STK31: variants seen among roughly 807,000 people sequenced by gnomAD.
The protein encoded by STK31 is serine/threonine-protein kinase 31.
STK31 carries 89 observed loss-of-function variants against 129.7 expected under a neutral mutation model. The ratio of observed to expected loss-of-function variants is 0.69; its 90% CI spans 0.58 to 0.82. STK31 has a LOEUF of 0.82. STK31 is among the 40% of genes least tolerant of loss of function. STK31 has a pLI of 0.00. For missense variants in STK31, 1,187 were observed against 1,176.4 expected (o/e 1.01, Z -0.13); for synonymous variants, 448 against 395.3 (o/e 1.13, Z -1.58).
At chr7:23,789,798 C>T (rs1344391025) in intron 21 of STK31, among the ~76,000 whole-genome samples, 1 of 152,088 alleles carries the variant, frequency 6.6e-6, no homozygotes, top group Non-Finnish European at 1.5e-5. Context: ...AATAATTACT[C>T]TTTAGTCATT....
intron 22 of STK31, among the ~76,000 whole-genome samples, chr7:23,804,619 C>T (rs1018957112): frequency 6.6e-5 from 10 of 152,092 alleles, no homozygotes; most frequent in African/African-American, 2.4e-4. Flanking sequence ...TAATATATTT[C>T]TAGGAGATGT....
chr7:23,832,328 G>A lies in STK31; in HGVS notation c.3022G>A (p.Glu1008Lys), dbSNP rs1794605502. ...GACGGAGAACTTGGATAAATGTATG[G>A]AGAAGACAAGAAATGGTGAAGCCAA... is the stretch of plus-strand genomic sequence containing the variant. ...IKTENLDKCMEKTRNGEANFD... is the reference protein window; with the variant it reads ...IKTENLDKCMKKTRNGEANFD... The change falls in exon 24 of 24, where the codon GAG (glutamate) becomes AAG (lysine). Residue 1008 changes from glutamate (E) to lysine (K), a missense_variant. By Grantham distance (56) the Glu-to-Lys change is moderately conservative. Transcript: ENST00000355870. The A allele has an allele frequency of 6.2e-7, 1 of 1,612,760 alleles. No individual in the cohort carries two copies. The highest frequency in any genetic ancestry group is 1.3e-5 in the African/African-American group (1 of 74,826).
At chr7:23,755,580 T>C (rs1789016848) in intron 10 of STK31, among the ~76,000 whole-genome samples, 1 of 152,246 alleles carries the variant, frequency 6.6e-6, no homozygotes. Context: ...TGCCCATGCC[T>C]ATGTCCTGAA....
chr7:23,795,081 A>G (rs951421143), intron 22 of STK31, among the ~76,000 whole-genome samples: 3 of 152,238 alleles, frequency 2.0e-5, no homozygotes, highest in Non-Finnish European at 4.4e-5. Context: ...AATCGCTAGG[A>G]CAATGGGGAA....
chr7:23,774,205 A>C (rs186018231), intron 15 of STK31, among the ~76,000 whole-genome samples: 1 of 152,268 alleles, frequency 6.6e-6, no homozygotes, highest in East Asian at 1.9e-4. Context: ...GGTTTGTTCC[A>C]AGTCTTTGCT....
At chr7:23,770,263 T>G (rs754894850) in intron 13 of STK31, among the ~76,000 whole-genome samples, 1 of 152,178 alleles carries the variant, frequency 6.6e-6, no homozygotes, top group Non-Finnish European at 1.5e-5. Context: ...TAATTATTGC[T>G]CATTGGGACT....
At chr7:23,787,861 A>T (rs1234326592) in intron 20 of STK31, 119 bp from the exon 21 acceptor site, 2 of 936,366 alleles carry the variant, frequency 2.1e-6, no homozygotes, top group Admixed American at 3.0e-5. Flanking sequence ...TATTCTTATT[A>T]ATGGTTCATT....
At chr7:23,746,580 A>C (rs1014914059) in intron 8 of STK31, among the ~76,000 whole-genome samples, 5 of 152,218 alleles carry the variant, frequency 3.3e-5, no homozygotes, top group African/African-American at 9.6e-5. Flanking sequence ...GTAATCTAAC[A>C]AACACGTTTT....
intron 15 of STK31, among the ~76,000 whole-genome samples, chr7:23,779,854 C>A (rs1011575365): frequency 3.9e-5 from 6 of 152,178 alleles, no homozygotes; most frequent in Admixed American, 6.5e-5. Flanking sequence ...ACGGTTCTGT[C>A]TTGCTGGCAT....
chr7:23,735,173 A>G (rs1342939883), intron 6 of STK31, among the ~76,000 whole-genome samples: 1 of 152,132 alleles, frequency 6.6e-6, no homozygotes, highest in Non-Finnish European at 1.5e-5. Flanking sequence ...CCTTTTCTAG[A>G]TATCAGAGAT....
chr7:23,745,470 A>G (rs1788293295), intron 8 of STK31, among the ~76,000 whole-genome samples: 1 of 152,198 alleles, frequency 6.6e-6, no homozygotes, highest in South Asian at 2.1e-4. Flanking sequence ...TGGCTGGTGA[A>G]CATGTACTTT....
chr7:23,769,519 G>T (rs1790052822), intron 12 of STK31, 121 bp from the exon 13 acceptor site: 1 of 655,358 alleles, frequency 1.5e-6, no homozygotes, highest in Admixed American at 2.8e-5. Context: ...TTTTTTTCCT[G>T]CATTCCTAGT....
intron 10 of STK31, among the ~76,000 whole-genome samples, chr7:23,760,829 A>C (rs1480813747): frequency 6.6e-6 from 1 of 151,960 alleles, no homozygotes; most frequent in Non-Finnish European, 1.5e-5. Context: ...ATGCCTGGCT[A>C]ATTTTTTTGT....
At chr7:23,710,431 C>G (rs533537930) in intron 1 of STK31, 96 bp downstream of exon 1, 2 of 1,593,350 alleles carry the variant, frequency 1.3e-6, no homozygotes, top group East Asian at 4.5e-5. Context: ...TGGGACGAGG[C>G]CCATTTCAGG....
chr7:23,805,534 G>A (rs1038729561), intron 22 of STK31, among the ~76,000 whole-genome samples: 6 of 151,852 alleles, frequency 4.0e-5, no homozygotes, highest in African/African-American at 7.3e-5. Flanking sequence ...ACCTGGGCTG[G>A]AGTGCAGTGG....
chr7:23,710,708 C>T (rs1044309803), intron 1 of STK31: 3 of 1,093,008 alleles, frequency 2.7e-6, no homozygotes, highest in Non-Finnish European at 3.4e-6. Flanking sequence ...GAGATTTGGA[C>T]GTACTATTTT....
intron 15 of STK31, among the ~76,000 whole-genome samples, chr7:23,774,092 C>T (rs1346324532): frequency 6.6e-6 from 1 of 152,114 alleles, no homozygotes; most frequent in African/African-American, 2.4e-5. Context: ...GCATCCATGT[C>T]CCTGCAAAGG....
At chr7:23,770,676 G>A (rs552621865) in intron 13 of STK31, among the ~76,000 whole-genome samples, 2 of 152,152 alleles carry the variant, frequency 1.3e-5, no homozygotes, top group African/African-American at 4.8e-5. Flanking sequence ...GTGCATTGAT[G>A]TGATCCTAGC....
chr7:23,803,267 C>T (rs1397833502), intron 22 of STK31, among the ~76,000 whole-genome samples: 4 of 147,256 alleles, frequency 2.7e-5, no homozygotes, highest in Non-Finnish European at 6.0e-5. Context: ...AAGGGCTGTG[C>T]TTAAAAAGGT....
Sources: gnomAD v4.1 joint callset for allele counts (sites outside exome capture counted in the v4.1 genomes callset) on GRCh38, gnomAD v4.1.1 for gene constraint, MANE v1.5 for transcripts, NCBI Gene and HGNC (gene_info 2026-07-23, HGNC 2026-07-21) for gene names.